Variants in B3GAT1 observed in about 807,000 individuals in gnomAD.
B3GAT1 encodes the protein beta-1,3-glucuronyltransferase 1.
Under a neutral mutation model 28.4 loss-of-function variants are expected in B3GAT1, and 11 were observed. The ratio of observed to expected loss-of-function variants is 0.39; its 90% CI spans 0.24 to 0.64. The LOEUF (loss-of-function observed/expected upper bound fraction) is 0.64. B3GAT1 is among the 30% of genes least tolerant of loss of function. B3GAT1 has a pLI of 0.50. For missense variants in B3GAT1, 375 were observed against 491.0 expected (o/e 0.76, Z 2.23); for synonymous variants, 255 against 223.1 (o/e 1.14, Z -1.27).
intron 2 of B3GAT1, chr11:134,386,560 T>C (rs1383728467): frequency 6.6e-6 from 1 of 152,284 alleles, no homozygotes; most frequent in Non-Finnish European, 1.5e-5. Context: ...CACTAGTTCT[T>C]CACGGGACTT....
Position 134,379,041 on chromosome 11 carries a change from C to G in B3GAT1, c.*1721G>C, listed in dbSNP as rs1024287511. 5 of 152,352 alleles carry G rather than the reference C, an allele frequency of 3.3e-5. No homozygotes were observed. The East Asian group carries it at 7.7e-4, about 24-fold the overall frequency. The allele number at this position is 152,352 out of a possible 1,614,324, so 9.4% of individuals were successfully genotyped here. On this transcript the variant is annotated 3_prime_UTR_variant, in exon 6 of 6. Coordinates refer to ENST00000312527, the MANE Select transcript of B3GAT1 (RefSeq NM_054025.3). ...CTCCCTTCTCTCCCATGCCACCCCACTTGCTTCCAAGGGCTTGGTTTCCAA... is the reference window on the plus strand; with the variant it reads ...CTCCCTTCTCTCCCATGCCACCCCAGTTGCTTCCAAGGGCTTGGTTTCCAA...
At chr11:134,406,205 C>T (rs1387419882) in intron 1 of B3GAT1, among the ~76,000 whole-genome samples, 1 of 152,214 alleles carries the variant, frequency 6.6e-6, no homozygotes, top group South Asian at 2.1e-4. Context: ...GAGGGGTGAG[C>T]CCAGGCAGGG....
chr11:134,383,354 T>C (rs1944180439), intron 3 of B3GAT1, among the ~76,000 whole-genome samples: 1 of 152,116 alleles, frequency 6.6e-6, no homozygotes, highest in African/African-American at 2.4e-5. Context: ...ACAGCCCATA[T>C]ACTCAGGCGA....
At chr11:134,406,051 T>A (rs1211822050) in intron 1 of B3GAT1, among the ~76,000 whole-genome samples, 1 of 152,218 alleles carries the variant, frequency 6.6e-6, no homozygotes, top group Admixed American at 6.5e-5. Context: ...GCCCCACCAG[T>A]GTCTGTGGCA....
At chr11:134,398,670 AG>A (rs1944550945) in intron 1 of B3GAT1, among the ~76,000 whole-genome samples, 1 of 152,204 alleles carries the variant, frequency 6.6e-6, no homozygotes, top group East Asian at 1.9e-4. Context: ...GTGGCCAGGC[AG>A]GGGTCCTTGC....
intron 2 of B3GAT1, among the ~76,000 whole-genome samples, 177 bp downstream of exon 2, chr11:134,387,371 G>C (rs1178267972): frequency 2.6e-5 from 4 of 152,140 alleles, no homozygotes; most frequent in Admixed American, 6.5e-5. Context: ...AAACTGTGTG[G>C]GTAGCTTCCA....
At chr11:134,402,355 C>T (rs1368486800) in intron 1 of B3GAT1, among the ~76,000 whole-genome samples, 1 of 152,286 alleles carries the variant, frequency 6.6e-6, no homozygotes, top group Admixed American at 6.5e-5. Flanking sequence ...GATTCCCCAT[C>T]CCTCTTCTCT....
chr11:134,397,742 C>G (rs1385182085), intron 1 of B3GAT1, among the ~76,000 whole-genome samples: 4 of 152,280 alleles, frequency 2.6e-5, no homozygotes, highest in Non-Finnish European at 5.9e-5. Context: ...CAGCACCTGT[C>G]TCGTTTCCTT....
At chr11:134,387,463 T>G in intron 2 of B3GAT1, 85 bp downstream of exon 2, 1 of 1,552,758 alleles carries the variant, frequency 6.4e-7, no homozygotes, top group Admixed American at 1.8e-5. Context: ...GCTAAGTGAG[T>G]GCAAGCAAGA....
At chr11:134,390,088 T>C (rs573504407) in intron 1 of B3GAT1, 2 of 91,096 alleles carry the variant, frequency 2.2e-5, no homozygotes, top group Non-Finnish European at 4.4e-5. Flanking sequence ...AGGCACGTAG[T>C]TCCCCTAGTG....
At chr11:134,381,702 T>G in intron 5 of B3GAT1, 1 of 541,840 alleles carries the variant, frequency 1.8e-6, no homozygotes, top group Non-Finnish European at 3.3e-6. Flanking sequence ...CTCTGAAGAG[T>G]CTGGTGGCAG....
intron 1 of B3GAT1, among the ~76,000 whole-genome samples, chr11:134,406,536 T>C (rs1176592326): frequency 2.8e-5 from 1 of 35,312 alleles, no homozygotes; most frequent in Middle Eastern, 0.014. Flanking sequence ...CTTGTGTTGA[T>C]TGGGTGGGTG....
intron 5 of B3GAT1, among the ~76,000 whole-genome samples, chr11:134,381,453 G>A (rs2136299370): frequency 6.6e-6 from 1 of 152,322 alleles, no homozygotes; most frequent in African/African-American, 2.4e-5. Flanking sequence ...AGCTGAGGTG[G>A]GCTCTGGGTC....
chr11:134,394,471 C>T (rs1944468099), intron 1 of B3GAT1, among the ~76,000 whole-genome samples: 1 of 152,246 alleles, frequency 6.6e-6, no homozygotes, highest in Non-Finnish European at 1.5e-5. Context: ...TCCCCTGGCC[C>T]ACCCTCGTGC....
intron 2 of B3GAT1, chr11:134,386,846 C>T (rs1249757065): frequency 6.6e-6 from 1 of 152,248 alleles, no homozygotes; most frequent in Non-Finnish European, 1.5e-5. Context: ...GATGCGTCGA[C>T]ATCTTGGGGG....
At chr11:134,388,565 G>C (rs575494178) in intron 1 of B3GAT1, 1 of 153,858 alleles carries the variant, frequency 6.5e-6, no homozygotes, top group South Asian at 2.0e-4. Context: ...GATGAATCCC[G>C]CTGCCCAGGT....
intron 1 of B3GAT1, among the ~76,000 whole-genome samples, chr11:134,397,218 T>A (rs190840849): frequency 2.0e-5 from 3 of 152,144 alleles, no homozygotes; most frequent in Non-Finnish European, 2.9e-5. Context: ...CTTATGGTGA[T>A]CTCTCTGACG....
intron 2 of B3GAT1, chr11:134,384,903 G>A (rs1022165422): frequency 1.1e-4 from 16 of 152,140 alleles, no homozygotes; most frequent in South Asian, 2.1e-4. Context: ...TTTTCCATGC[G>A]TCCCTTCTCT....
chr11:134,389,319 G>A (rs1217422011), intron 1 of B3GAT1: 1 of 152,342 alleles, frequency 6.6e-6, no homozygotes, highest in Non-Finnish European at 1.5e-5. Flanking sequence ...GTGCAGGACA[G>A]AGCACCAGGT....
Sources: gnomAD v4.1 joint callset for allele counts (sites outside exome capture counted in the v4.1 genomes callset) on GRCh38, gnomAD v4.1.1 for gene constraint, MANE v1.5 for transcripts, NCBI Gene and HGNC (gene_info 2026-07-23, HGNC 2026-07-21) for gene names.